Variants in ARFIP1 observed in about 807,000 individuals in gnomAD.
The protein encoded by ARFIP1 is arfaptin-1.
A neutral mutation model predicts 42.5 loss-of-function variants in ARFIP1; 24 were observed. That is an observed-to-expected ratio of 0.57 (90% CI 0.41 to 0.80). The LOEUF (loss-of-function observed/expected upper bound fraction) is 0.80, where lower values mean the gene tolerates loss of function less well. Among genes scored for constraint, ARFIP1 ranks in the 30% least tolerant of loss-of-function variants. The pLI is 0.00. For synonymous variants in ARFIP1, 141 were observed against 153.7 expected, an observed-to-expected ratio of 0.92 and a Z score of 0.61; for missense variants, 354 against 434.0, an observed-to-expected ratio of 0.82 and a Z score of 1.64.
At chr4:152,908,517 G>A (rs1470732213) in intron 8 of ARFIP1, among the ~76,000 whole-genome samples, 2 of 152,088 alleles carry the variant, frequency 1.3e-5, no homozygotes, top group Admixed American at 1.3e-4. Context: ...GGCAGAGGCA[G>A]GGGAATCGCT....
chr4:152,836,570 T>G (rs1285314218), intron 2 of ARFIP1, among the ~76,000 whole-genome samples: 1 of 152,168 alleles, frequency 6.6e-6, no homozygotes, highest in African/African-American at 2.4e-5. Flanking sequence ...ACACATTGTC[T>G]TATTTATTTA....
intron 5 of ARFIP1, among the ~76,000 whole-genome samples, chr4:152,876,894 G>C (rs1735394138): frequency 6.6e-6 from 1 of 152,254 alleles, no homozygotes; most frequent in Non-Finnish European, 1.5e-5. Context: ...AGCCTTGGCA[G>C]CTTTCACATG....
At chr4:152,803,210 A>G (rs1728561417) in intron 1 of ARFIP1, among the ~76,000 whole-genome samples, 1 of 152,222 alleles carries the variant, frequency 6.6e-6, no homozygotes, top group South Asian at 2.1e-4. Flanking sequence ...TAGTACTGAG[A>G]AAGTTTGCTG....
intron 8 of ARFIP1, among the ~76,000 whole-genome samples, chr4:152,889,498 CATATATATATATATATAT>C (rs71595203): frequency 0.011 from 477 of 42,790 alleles, 16 homozygotes; most frequent in African/African-American, 0.031. Context: ...TCATTTTAGT[CATATATATATATATATAT>C]ATATATATAT....
chr4:152,809,623 T>A (rs1429800231), intron 1 of ARFIP1: 2 of 152,210 alleles, frequency 1.3e-5, no homozygotes, highest in Non-Finnish European at 2.9e-5. Flanking sequence ...ATAAAATCTT[T>A]ATTAGATATG....
chr4:152,911,396 C>G lies in ARFIP1; in HGVS notation c.*1177C>G, dbSNP rs1464010274. ...TGGGTAATGAAGAGGTAATTTGGGA[C>G]AGTGTGGTGGTACCAGGAAGAAAGA... is the stretch of plus-strand genomic sequence containing the variant. On this transcript the variant is annotated 3_prime_UTR_variant, in exon 9 of 9. Transcript: ENST00000353617. 1 of 152,370 alleles carries G rather than the reference C, an allele frequency of 6.6e-6. No homozygotes were observed. The highest frequency in any genetic ancestry group is 1.5e-5 in the Non-Finnish European group (1 of 68,032). The allele number at this position is 152,370 out of a possible 1,614,324, so 9.4% of individuals were successfully genotyped here. A position where few individuals can be genotyped will look rare whatever the true frequency, so the allele number is the denominator to read the frequency against.
intron 2 of ARFIP1, among the ~76,000 whole-genome samples, chr4:152,840,596 C>T (rs1042010474): frequency 6.6e-6 from 1 of 152,200 alleles, no homozygotes; most frequent in South Asian, 2.1e-4. Flanking sequence ...TGTGCATTGG[C>T]ATAAAATGCC....
Position 152,829,746 on chromosome 4 carries a change from T to C in ARFIP1, c.93+20T>C. 1.3e-6 allele frequency: 2 copies of C among 1,527,932 alleles called. No homozygotes were observed. Among genetic ancestry groups the C allele is most frequent in the Non-Finnish European group, 8.9e-7 (1 of 1,120,046 alleles). 94.6% of individuals were successfully genotyped at this position (1,527,932 alleles called of 1,614,324 possible). A position where few individuals can be genotyped will look rare whatever the true frequency, so the allele number is the denominator to read the frequency against. ...AATAGGGTAAGAACACTTTTCTTTC[T>C]CTTAATGCAAAGAATCATGGTAAGT... is the stretch of plus-strand genomic sequence containing the variant. On this transcript the variant is annotated intron_variant, in intron 2 of 8. Coordinates refer to ENST00000353617, the MANE Select transcript of ARFIP1 (RefSeq NM_001025595.3).
chr4:152,800,494 G>T (rs193173559), intron 1 of ARFIP1, among the ~76,000 whole-genome samples: 87 of 152,104 alleles, frequency 5.7e-4, no homozygotes, highest in Admixed American at 1.3e-3. Context: ...AAACTGTATA[G>T]AAAAAAACTA....
chr4:152,870,375 A>G (rs1367229847), intron 3 of ARFIP1, among the ~76,000 whole-genome samples: 1 of 152,176 alleles, frequency 6.6e-6, no homozygotes, highest in Non-Finnish European at 1.5e-5. Flanking sequence ...TCCTTTATAT[A>G]TGAGAGTAGC....
rs765970488 is a variant in ARFIP1 at position 152,869,054 on chromosome 4, TAAC to T, written c.203-1693_203-1691del. On this transcript the variant is annotated intron_variant, in intron 3 of 8. Coordinates refer to ENST00000353617, the MANE Select transcript of ARFIP1 (RefSeq NM_001025595.3). ...GAAAAATATCTCTCATTTTGAAAGTTAACAACAATCTATTTAGTTTAGGTCTAT... is the reference window on the plus strand; with the variant it reads ...GAAAAATATCTCTCATTTTGAAAGTTAACAATCTATTTAGTTTAGGTCTAT... Among the ~76,000 whole-genome samples, 15 of 152,326 alleles carry T rather than the reference TAAC, an allele frequency of 9.8e-5. No individual in the cohort carries two copies. The East Asian group carries it at 2.3e-3, about 23-fold the overall frequency.
chr4:152,910,121 G>T lies in ARFIP1; in HGVS notation c.1024G>T (p.Ala342Ser). The change falls in exon 9 of 9, where the codon GCT becomes TCT. Residue 342 changes from alanine to serine, a missense_variant. Coordinates refer to ENST00000353617, the MANE Select transcript of ARFIP1 (RefSeq NM_001025595.3). ...CCACAATGCCATTGCCGCTTACTTT[G>T]CTGGGAATCAGAAGCAGCTTGAACA... ...LFHNAIAAYF[A>S]GNQKQLEQTL... 1 of 1,614,116 alleles carries T rather than the reference G, an allele frequency of 6.2e-7. No individual in the cohort carries two copies. Among genetic ancestry groups the T allele is most frequent in the Non-Finnish European group, 8.5e-7 (1 of 1,180,002 alleles).
intron 1 of ARFIP1, among the ~76,000 whole-genome samples, chr4:152,791,685 C>G (rs1280332218): frequency 1.3e-5 from 2 of 152,016 alleles, no homozygotes; most frequent in African/African-American, 4.8e-5. Flanking sequence ...AGATATTTTC[C>G]TCTTCAGACC....
At chr4:152,904,198 A>ATATATATT (rs36085096) in intron 8 of ARFIP1, among the ~76,000 whole-genome samples, 5 of 126,684 alleles carry the variant, frequency 3.9e-5, no homozygotes, top group African/African-American at 1.6e-4. Flanking sequence ...ATATATATAT[A>ATATATATT]TTTTTTTTTT....
At chr4:152,807,437 T>A (rs1370475584) in intron 1 of ARFIP1, among the ~76,000 whole-genome samples, 1 of 152,206 alleles carries the variant, frequency 6.6e-6, no homozygotes, top group Non-Finnish European at 1.5e-5. Flanking sequence ...GGTATTATAG[T>A]CATCTTTACT....
chr4:152,809,636 T>C (rs1729291069), intron 1 of ARFIP1: 1 of 152,220 alleles, frequency 6.6e-6, no homozygotes, highest in South Asian at 2.1e-4. Flanking sequence ...TAGATATGTG[T>C]CATGTTAATT....
intron 2 of ARFIP1, among the ~76,000 whole-genome samples, chr4:152,839,395 G>GA (rs762332815): frequency 2.8e-4 from 42 of 152,136 alleles, no homozygotes; most frequent in Admixed American, 6.5e-4. Context: ...ATTCTGCTGT[G>GA]AATCTCTCTG....
intron 2 of ARFIP1, among the ~76,000 whole-genome samples, chr4:152,832,281 T>A (rs1731313571): frequency 6.6e-6 from 1 of 152,226 alleles, no homozygotes; most frequent in African/African-American, 2.4e-5. Flanking sequence ...TTTTAGCCAT[T>A]CTTTTAATGG....
At chr4:152,802,747 T>C (rs1289468447) in intron 1 of ARFIP1, among the ~76,000 whole-genome samples, 2 of 152,340 alleles carry the variant, frequency 1.3e-5, no homozygotes, top group East Asian at 1.9e-4. Flanking sequence ...CGTTTTACTA[T>C]GAATAATGTA....
Sources: gnomAD v4.1 joint callset for allele counts (sites outside exome capture counted in the v4.1 genomes callset) on GRCh38, gnomAD v4.1.1 for gene constraint, MANE v1.5 for transcripts, NCBI Gene and HGNC (gene_info 2026-07-23, HGNC 2026-07-21) for gene names.